The following DGKB variants were observed in gnomAD, a reference collection of about 807,000 sequenced individuals.
DGKB encodes the protein diacylglycerol kinase beta, also known as 90 kDa diacylglycerol kinase.
Under a neutral mutation model 114.3 loss-of-function variants are expected in DGKB, and 67 were observed. The observed-to-expected ratio is 0.59, with a 90% CI of 0.48 to 0.72. DGKB has a LOEUF of 0.72. DGKB is among the 30% of genes least tolerant of loss of function. The pLI is 0.00. For missense variants in DGKB, 907 were observed against 975.2 expected (o/e 0.93, Z 0.93); for synonymous variants, 398 against 323.1 (o/e 1.23, Z -2.49).
At chr7:14,531,566 T>C (rs1437913495) in intron 20 of DGKB, among the ~76,000 whole-genome samples, 1 of 151,222 alleles carries the variant, frequency 6.6e-6, no homozygotes, top group African/African-American at 2.4e-5. Context: ...CTAAATGAAG[T>C]AAGAGACAGT....
rs540455499 is a variant in DGKB at position 14,670,388 on chromosome 7, C to T, written c.1134+2541G>A. On this transcript the variant is annotated intron_variant, in intron 13 of 25. Coordinates refer to ENST00000402815, the MANE Select transcript of DGKB (RefSeq NM_001350709.2). Reference sequence around the variant, plus strand: ...TGCAATCTTGGCTCACTGCAACCTCCGCCTCCAGGGTTCAAGCGATTCCCC... The same window carrying T: ...TGCAATCTTGGCTCACTGCAACCTCTGCCTCCAGGGTTCAAGCGATTCCCC... Among the ~76,000 whole-genome samples, 89 of 151,800 alleles carry T rather than the reference C, an allele frequency of 5.9e-4. 2 individuals are homozygous for T. In the South Asian group the frequency reaches 0.017, roughly 29 times the overall value.
At chr7:14,659,768 T>C (rs1262836847) in intron 13 of DGKB, among the ~76,000 whole-genome samples, 4 of 149,956 alleles carry the variant, frequency 2.7e-5, no homozygotes, top group Non-Finnish European at 5.9e-5. Context: ...TCCAACACTA[T>C]GTTGAGTAGG....
At chr7:14,710,234 T>C (rs969865309) in intron 6 of DGKB, among the ~76,000 whole-genome samples, 5 of 152,206 alleles carry the variant, frequency 3.3e-5, no homozygotes, top group African/African-American at 1.2e-4. Flanking sequence ...TTTCAAATAG[T>C]TTTTAAAGAT....
intron 2 of DGKB, among the ~76,000 whole-genome samples, chr7:14,822,419 G>A (rs1030766458): frequency 6.6e-6 from 1 of 152,122 alleles, no homozygotes; most frequent in South Asian, 2.1e-4. Flanking sequence ...GGGTAGGAAA[G>A]AAGAAATTAT....
At chr7:14,312,539 C>G (rs922102354) in intron 23 of DGKB, among the ~76,000 whole-genome samples, 4 of 152,110 alleles carry the variant, frequency 2.6e-5, no homozygotes, top group Non-Finnish European at 5.9e-5. Flanking sequence ...AATATTTACT[C>G]TTGAGTACAA....
chr7:14,789,393 T>G (rs547701763), intron 2 of DGKB, among the ~76,000 whole-genome samples: 1 of 152,178 alleles, frequency 6.6e-6, no homozygotes, highest in Non-Finnish European at 1.5e-5. Flanking sequence ...AAATGCTATG[T>G]GCATCCATGT....
At chr7:14,466,945 T>C (rs1349665023) in intron 21 of DGKB, among the ~76,000 whole-genome samples, 1 of 152,150 alleles carries the variant, frequency 6.6e-6, no homozygotes, top group South Asian at 2.1e-4. Context: ...TAGGGAGTGA[T>C]GTGGAGCTGT....
chr7:14,151,633 G>A (rs1354813259), intron 25 of DGKB, among the ~76,000 whole-genome samples: 2 of 151,996 alleles, frequency 1.3e-5, no homozygotes, highest in Non-Finnish European at 2.9e-5. Flanking sequence ...AAAATTATAT[G>A]TAACCTGTCT....
At chr7:14,371,117 C>G (rs955275944) in intron 21 of DGKB, among the ~76,000 whole-genome samples, 1 of 152,130 alleles carries the variant, frequency 6.6e-6, no homozygotes, top group Non-Finnish European at 1.5e-5. Flanking sequence ...GTGAATAGTG[C>G]TACAACGAAC....
At chr7:14,599,100 T>G (rs1161055962) in intron 17 of DGKB, among the ~76,000 whole-genome samples, 1 of 152,226 alleles carries the variant, frequency 6.6e-6, no homozygotes, top group Non-Finnish European at 1.5e-5. Context: ...CTTGGACGTG[T>G]GTCTTACACA....
chr7:14,315,778 C>G (rs889059133), intron 23 of DGKB, among the ~76,000 whole-genome samples: 1 of 151,324 alleles, frequency 6.6e-6, no homozygotes, highest in Admixed American at 6.6e-5. Context: ...CTGCACCAAG[C>G]GGACCTAATA....
At chr7:14,543,256 C>A (rs1793758604) in intron 20 of DGKB, among the ~76,000 whole-genome samples, 2 of 151,964 alleles carry the variant, frequency 1.3e-5, no homozygotes, top group Non-Finnish European at 1.5e-5. Flanking sequence ...CCAGCCTGGG[C>A]AACATGGCAA....
rs150909217 is a variant in DGKB at position 14,299,236 on chromosome 7, T to C, written c.2122+39279A>G. Among the ~76,000 whole-genome samples, 925 of 152,168 alleles carry C rather than the reference T, an allele frequency of 6.1e-3. 13 individuals carry two copies. The highest frequency in any genetic ancestry group is 0.021 in the African/African-American group (879 of 41,534). On this transcript the variant is annotated intron_variant, in intron 23 of 25. Coordinates refer to ENST00000402815, the MANE Select transcript of DGKB (RefSeq NM_001350709.2). ...TGGAGGAAAGGTAAGTAGAAGCAGA[T>C]AGAAAAAGAGGCATTTCATAATCAT...
rs144857325 is a variant in DGKB, at chr7:14,261,816, C to T, written c.2122+76699G>A. ...TTAATCTGTCAGCCTGATTCTTTTACGACTAGACACAATATTCCAAAAGCT... is the reference window on the plus strand; with the variant it reads ...TTAATCTGTCAGCCTGATTCTTTTATGACTAGACACAATATTCCAAAAGCT... On this transcript the variant is annotated intron_variant, in intron 23 of 25. Coordinates refer to ENST00000402815, the MANE Select transcript of DGKB (RefSeq NM_001350709.2). 3.4e-4 allele frequency among the ~76,000 whole-genome samples: 52 copies of T among 152,136 alleles called. No individual in the cohort carries two copies. The East Asian group carries it at 6.2e-3, about 18-fold the overall frequency.
intron 21 of DGKB, among the ~76,000 whole-genome samples, chr7:14,360,479 C>T (rs1445714177): frequency 6.7e-6 from 1 of 150,084 alleles, no homozygotes; most frequent in African/African-American, 2.4e-5. Context: ...GAATATAAAG[C>T]TCATTAGTTT....
intron 1 of DGKB, among the ~76,000 whole-genome samples, chr7:14,933,163 C>T (rs183983590): frequency 6.6e-6 from 1 of 152,286 alleles, no homozygotes; most frequent in East Asian, 1.9e-4. Context: ...CAGAATTTCC[C>T]TCCCTTACAA....
chr7:14,244,040 A>AGAGAGAGAGAGAGG (rs1035604852), intron 23 of DGKB, among the ~76,000 whole-genome samples: 11 of 139,792 alleles, frequency 7.9e-5, no homozygotes, highest in African/African-American at 2.8e-4. Context: ...AGAGAGACAG[A>AGAGAGAGAGAGAGG]GAGAGAGAGA....
intron 23 of DGKB, among the ~76,000 whole-genome samples, chr7:14,261,735 CAG>C (rs1401040562): frequency 2.0e-5 from 3 of 152,232 alleles, no homozygotes; most frequent in African/African-American, 7.2e-5. Flanking sequence ...GACGTTTTAA[CAG>C]AGGTAAAATA....
intron 20 of DGKB, among the ~76,000 whole-genome samples, chr7:14,530,304 T>C (rs1791365257): frequency 1.3e-5 from 2 of 151,622 alleles, no homozygotes; most frequent in Non-Finnish European, 3.0e-5. Context: ...TTCTGAGTTA[T>C]GCCTTTGGTC....
Sources: gnomAD v4.1 joint callset for allele counts (sites outside exome capture counted in the v4.1 genomes callset) on GRCh38, gnomAD v4.1.1 for gene constraint, MANE v1.5 for transcripts, NCBI Gene and HGNC (gene_info 2026-07-23, HGNC 2026-07-21) for gene names.